CRIM1: variants seen among roughly 807,000 people sequenced by gnomAD.
CRIM1 encodes the protein cysteine-rich motor neuron 1 protein.
A neutral mutation model predicts 116.4 loss-of-function variants in CRIM1; 32 were observed. The ratio of observed to expected loss-of-function variants is 0.27; its 90% CI spans 0.21 to 0.37. The LOEUF (loss-of-function observed/expected upper bound fraction) is 0.37, where lower values mean the gene tolerates loss of function less well. Among genes scored for constraint, CRIM1 ranks in the 10% least tolerant of loss-of-function variants. The probability of loss-of-function intolerance (pLI) is 1.00; values close to 1 mark genes in which losing one functional copy is unlikely to be tolerated. For synonymous variants in CRIM1, 590 were observed against 509.2 expected (o/e 1.16, Z -2.13); for missense variants, 1,331 against 1,354.8 (o/e 0.98, Z 0.28).
intron 1 of CRIM1, among the ~76,000 whole-genome samples, chr2:36,376,400 C>T (rs1001019843): frequency 6.6e-6 from 1 of 152,200 alleles, no homozygotes; most frequent in Non-Finnish European, 1.5e-5. Context: ...AAACAGTAGG[C>T]GAGCGTTCAT....
intron 2 of CRIM1, among the ~76,000 whole-genome samples, chr2:36,416,917 T>A (rs1057269784): frequency 1.3e-5 from 2 of 152,250 alleles, no homozygotes; most frequent in Non-Finnish European, 2.9e-5. Context: ...GCTGTGCAGC[T>A]GAAGCCATTG....
At position 36,455,050 on chromosome 2, in the gene CRIM1, G is replaced by A. The variant is rs184995062; in HGVS notation, c.870-9484G>A. On this transcript the variant is annotated intron_variant, in intron 4 of 16. Coordinates refer to ENST00000280527, the MANE Select transcript of CRIM1 (RefSeq NM_016441.3). Reference sequence around the variant, plus strand: ...GCCGCAGAGAAAAGGAAACGATCTGGGGAGTAGATGTCTCAGTGACTTTGA... The same window carrying A: ...GCCGCAGAGAAAAGGAAACGATCTGAGGAGTAGATGTCTCAGTGACTTTGA... Among the ~76,000 whole-genome samples the A allele has an allele frequency of 2.0e-3, 301 of 152,280 alleles. 2 individuals carry two copies. Among genetic ancestry groups the A allele is most frequent in the Non-Finnish European group, 3.6e-3 (246 of 68,022 alleles).
At chr2:36,483,384 C>T (rs1679570353) in intron 7 of CRIM1, among the ~76,000 whole-genome samples, 2 of 152,182 alleles carry the variant, frequency 1.3e-5, no homozygotes, top group Admixed American at 1.3e-4. Context: ...CAGTGGCTAA[C>T]ATTTCATACA....
At chr2:36,358,344 C>G (rs1008843687) in intron 1 of CRIM1, among the ~76,000 whole-genome samples, 4 of 152,194 alleles carry the variant, frequency 2.6e-5, no homozygotes, top group African/African-American at 7.2e-5. Flanking sequence ...TTAATCCGGC[C>G]TCTCGTAAAT....
intron 2 of CRIM1, 25 bp from the exon 3 acceptor site, chr2:36,441,233 G>C (rs1352587884): frequency 6.2e-7 from 1 of 1,613,926 alleles, no homozygotes; most frequent in Non-Finnish European, 8.5e-7. Context: ...CTGGGCATAA[G>C]CTAAATTCTT....
At position 36,356,403 on chromosome 2, in the gene CRIM1, C is replaced by T. The variant is rs751345080; in HGVS notation, c.111C>T (p.Cys37=). The change falls in exon 1 of 17, where the codon TGC becomes TGT. Residue 37 remains cysteine, a synonymous_variant. Coordinates refer to ENST00000280527, the MANE Select transcript of CRIM1 (RefSeq NM_016441.3). This position sits in a 1 kb window ranked among gnomAD's most constrained non-coding sequence, Gnocchi z 4.3. The part of the protein sequence containing the change: ...LARSGTRALV[C]LPCDESKCEE... ...GCTCCGGCACCCGGGCGCTGGTCTG[C>T]CTGCCCTGTGACGAGTCCAAGTGCG... The T allele has an allele frequency of 1.9e-5, 30 of 1,607,400 alleles. No individual in the cohort carries two copies. The South Asian group carries it at 3.2e-4, about 17-fold the overall frequency.
At chr2:36,399,819 T>C (rs534973599) in intron 2 of CRIM1, among the ~76,000 whole-genome samples, 2 of 152,112 alleles carry the variant, frequency 1.3e-5, no homozygotes, top group African/African-American at 4.8e-5. Flanking sequence ...TCATCTGACA[T>C]TGAGATGGAA....
At chr2:36,428,761 C>T (rs1411266099) in intron 2 of CRIM1, among the ~76,000 whole-genome samples, 2 of 152,140 alleles carry the variant, frequency 1.3e-5, no homozygotes, top group Admixed American at 6.5e-5. Context: ...TACTTACATT[C>T]GCTCTTAAGG....
At chr2:36,502,316 C>A (rs915215023) in intron 8 of CRIM1, among the ~76,000 whole-genome samples, 6 of 152,148 alleles carry the variant, frequency 3.9e-5, no homozygotes, top group Non-Finnish European at 8.8e-5. Flanking sequence ...CAAGTTGAGA[C>A]TATAAGGAGG....
intron 15 of CRIM1, among the ~76,000 whole-genome samples, chr2:36,545,052 C>A (rs2125190454): frequency 6.6e-6 from 1 of 152,276 alleles, no homozygotes; most frequent in Non-Finnish European, 1.5e-5. Flanking sequence ...TTTTGTCTCC[C>A]AATAGCTGTC....
intron 13 of CRIM1, among the ~76,000 whole-genome samples, chr2:36,533,234 G>A (rs541296599): frequency 2.0e-4 from 31 of 152,174 alleles, no homozygotes; most frequent in Non-Finnish European, 3.4e-4. Flanking sequence ...CTTCCTGATG[G>A]CGTTTTCGCA....
chr2:36,505,128 G>A (rs1028015762), intron 8 of CRIM1, among the ~76,000 whole-genome samples: 1 of 152,134 alleles, frequency 6.6e-6, no homozygotes, highest in East Asian at 1.9e-4. Context: ...ACCTATCAGG[G>A]TCAAAATTGG....
chr2:36,501,374 A>G (rs952741465), intron 8 of CRIM1, among the ~76,000 whole-genome samples: 1 of 152,206 alleles, frequency 6.6e-6, no homozygotes, highest in Non-Finnish European at 1.5e-5. Context: ...CCTCAGTTAC[A>G]TGTGACCATC....
At chr2:36,447,901 C>G (rs947586061) in intron 4 of CRIM1, among the ~76,000 whole-genome samples, 1 of 152,178 alleles carries the variant, frequency 6.6e-6, no homozygotes, top group Non-Finnish European at 1.5e-5. Context: ...TCTGGGTCTT[C>G]AGGTGAAATT....
chr2:36,387,839 A>G (rs549407892), intron 1 of CRIM1, among the ~76,000 whole-genome samples: 2 of 152,078 alleles, frequency 1.3e-5, no homozygotes, highest in Non-Finnish European at 2.9e-5. Context: ...CAGTTTTTTA[A>G]TTTTGTTAAC....
intron 14 of CRIM1, among the ~76,000 whole-genome samples, chr2:36,537,790 C>G (rs1666658214): frequency 1.3e-5 from 2 of 152,168 alleles, no homozygotes; most frequent in African/African-American, 2.4e-5. Context: ...TTTGCATTCT[C>G]TAAACTTTAG....
intron 4 of CRIM1, among the ~76,000 whole-genome samples, chr2:36,459,107 A>G (rs1379693683): frequency 6.6e-6 from 1 of 151,936 alleles, no homozygotes; most frequent in Non-Finnish European, 1.5e-5. Context: ...TTTTTAGTGG[A>G]AAGTACAAAT....
intron 14 of CRIM1, among the ~76,000 whole-genome samples, chr2:36,542,585 T>A (rs1344280348): frequency 6.6e-6 from 1 of 152,238 alleles, no homozygotes; most frequent in Non-Finnish European, 1.5e-5. Flanking sequence ...CCATTGACAT[T>A]TACAGGTTTG....
intron 13 of CRIM1, among the ~76,000 whole-genome samples, chr2:36,523,456 C>T (rs2125133605): frequency 6.6e-6 from 1 of 152,294 alleles, no homozygotes; most frequent in South Asian, 2.1e-4. Flanking sequence ...CAAAACTAGT[C>T]CTATGGACAT....
Sources: gnomAD v4.1 joint callset for allele counts (sites outside exome capture counted in the v4.1 genomes callset) on GRCh38, gnomAD v4.1.1 for gene constraint, Gnocchi (gnomAD v3.1) non-coding constraint, MANE v1.5 for transcripts, NCBI Gene and HGNC (gene_info 2026-07-23, HGNC 2026-07-21) for gene names.